The following ACP6 variants were observed in gnomAD, a reference collection of about 807,000 sequenced individuals.
ACP6 encodes acid phosphatase 6, lysophosphatidic.
A neutral mutation model predicts 48.1 loss-of-function variants in ACP6; 48 were observed. That is an observed-to-expected ratio of 1.00 (90% CI 0.79 to 1.27). The LOEUF (loss-of-function observed/expected upper bound fraction) is 1.27, where lower values mean the gene tolerates loss of function less well. Ranked by LOEUF, ACP6 falls within the 50% of genes most tolerant of loss-of-function variation. The pLI is 0.00. For missense variants in ACP6, 485 were observed against 529.1 expected (o/e 0.92, Z 0.82); for synonymous variants, 172 against 204.2 (o/e 0.84, Z 1.34).
At chr1:147,657,881 G>A (rs1440186489) in intron 4 of ACP6, among the ~76,000 whole-genome samples, 1 of 152,240 alleles carries the variant, frequency 6.6e-6, no homozygotes, top group Non-Finnish European at 1.5e-5. Flanking sequence ...ATGGAAACCT[G>A]GGATATTCCC....
intron 6 of ACP6, 147 bp from the exon 7 acceptor site, chr1:147,652,696 C>G (rs1553210802): frequency 6.5e-7 from 1 of 1,547,912 alleles, no homozygotes; most frequent in African/African-American, 1.4e-5. Context: ...GTTAACAGGT[C>G]AAGAAGCTAT....
intron 1 of ACP6, among the ~76,000 whole-genome samples, chr1:147,665,325 A>G (rs71620825): frequency 6.6e-6 from 1 of 152,244 alleles, no homozygotes; most frequent in South Asian, 2.1e-4. Flanking sequence ...AAGCCAGTTA[A>G]CAATAGAGGA....
downstream of ACP6, among the ~76,000 whole-genome samples, chr1:147,641,509 C>T (rs1325564746): frequency 2.0e-5 from 3 of 152,312 alleles, no homozygotes; most frequent in East Asian, 1.9e-4. Flanking sequence ...AGTCGGCCTT[C>T]CCTGGCAAGC....
chr1:147,659,051 G>T lies in ACP6; in HGVS notation c.480-12C>A. ...TAGTGGAACGAATACTGAAAAAAATGAGAAAATAGTGACACTCATAAAAGG... is the reference window on the plus strand; with the variant it reads ...TAGTGGAACGAATACTGAAAAAAATTAGAAAATAGTGACACTCATAAAAGG... On this transcript the variant is annotated splice_polypyrimidine_tract_variant and intron_variant, in intron 3 of 9. Transcript: ENST00000583509. 6.2e-7 allele frequency: 1 copy of T among 1,603,848 alleles called. No individual in the cohort carries two copies. The highest frequency in any genetic ancestry group is 8.5e-7 in the Non-Finnish European group (1 of 1,174,040).
intron 1 of ACP6, among the ~76,000 whole-genome samples, chr1:147,668,415 G>GATATATAT (rs79430492): frequency 1.4e-5 from 2 of 146,308 alleles, no homozygotes; most frequent in African/African-American, 2.5e-5. Flanking sequence ...GTGCCTTCAG[G>GATATATAT]ATATATATAT....
intron 1 of ACP6, among the ~76,000 whole-genome samples, chr1:147,660,787 G>A (rs782571033): frequency 1.3e-5 from 2 of 151,992 alleles, no homozygotes; most frequent in Admixed American, 6.6e-5. Context: ...ATTGTATATT[G>A]TATATATTTA....
At chr1:147,638,936 A>T (rs962810964), downstream of ACP6, among the ~76,000 whole-genome samples, 3 of 152,324 alleles carry the variant, frequency 2.0e-5, no homozygotes, top group Admixed American at 1.3e-4. Flanking sequence ...GGGCCACCAC[A>T]GCCTTGACTT....
chr1:147,643,943 G>A lies in ACP6; in HGVS notation c.*3480C>T, dbSNP rs1659534711. The stretch of plus-strand genomic sequence containing the variant: ...GCCTGTTGCTGCATCCTCCAGAGAG[G>A]AGGAACACTTTGTCATCATATGGCA... On this transcript the variant is annotated 3_prime_UTR_variant, in exon 10 of 10. Transcript: ENST00000583509. 6.6e-6 allele frequency: 1 copy of A among 152,202 alleles called. No individual in the cohort carries two copies. The highest frequency in any genetic ancestry group is 2.4e-5 in the African/African-American group (1 of 41,418). The allele number at this position is 152,202 out of a possible 1,614,324, so 9.4% of individuals were successfully genotyped here. A position where few individuals can be genotyped will look rare whatever the true frequency, so the allele number is the denominator to read the frequency against.
intron 1 of ACP6, among the ~76,000 whole-genome samples, chr1:147,664,614 G>A (rs1370779698): frequency 6.6e-6 from 1 of 152,140 alleles, no homozygotes; most frequent in Non-Finnish European, 1.5e-5. Flanking sequence ...ATTGACTTCT[G>A]TTTCCCAGCA....
In ACP6 at chr1:147,654,255, C is replaced by T; in HGVS notation, c.719G>A (p.Gly240Asp). The T allele has an allele frequency of 1.9e-6, 3 of 1,614,186 alleles. No homozygotes were observed. The highest frequency in any genetic ancestry group is 2.5e-6 in the Non-Finnish European group (3 of 1,180,030). The change falls in exon 6 of 10, where the codon GGC becomes GAC. Residue 240 changes from glycine (G) to aspartate (D), a missense_variant. Transcript: ENST00000583509. ...GTCCACTTTATCACTACTGTCAATG[C>T]CCATCCTGTCCTTCACCTTTTTCAA... is the stretch of plus-strand genomic sequence containing the variant. ...EDLKKVKDRM[G>D]IDSSDKVDFF...
At chr1:147,630,517 C>T (rs751407477) in exon 6 of ACP6, 1 of 152,188 alleles carries the variant, frequency 6.6e-6, no homozygotes, top group Non-Finnish European at 1.5e-5. Context: ...TTTCATTTTC[C>T]TCACTTCCCA....
At chr1:147,654,090 GC>G in intron 6 of ACP6, 103 bp downstream of exon 6, 1 of 1,526,330 alleles carries the variant, frequency 6.6e-7, no homozygotes, top group Non-Finnish European at 8.8e-7. Context: ...TATCACAGTT[GC>G]CTTCAAACCA....
At chr1:147,647,762 GTGT>G (rs1179713041) in intron 9 of ACP6, 196 bp from the exon 10 acceptor site, 2 of 713,380 alleles carry the variant, frequency 2.8e-6, no homozygotes, top group African/African-American at 3.6e-5. Flanking sequence ...CACTCAAAAA[GTGT>G]TGAATTGACT....
intron 5 of ACP6, among the ~76,000 whole-genome samples, chr1:147,634,953 A>T (rs587736518): frequency 1.3e-5 from 2 of 152,330 alleles, no homozygotes; most frequent in African/African-American, 4.8e-5. Context: ...CTGGTCTGTT[A>T]ACCCAAAGGA....
In ACP6 at chr1:147,643,180, A is replaced by G. The variant is rs928901106; in HGVS notation, c.*4243T>C. 2.0e-5 allele frequency: 3 copies of G among 152,226 alleles called. No individual in the cohort carries two copies. The South Asian group carries it at 6.2e-4, about 32-fold the overall frequency. The allele number at this position is 152,226 out of a possible 1,614,324, so 9.4% of individuals were successfully genotyped here. On this transcript the variant is annotated 3_prime_UTR_variant, in exon 10 of 10. Coordinates refer to ENST00000583509, the MANE Select transcript of ACP6 (RefSeq NM_016361.5). ...ACATTCAGTCCTCAACATCATTGAT[A>G]GGTTCTTGGAAACTGTAGCTTTAAG...
At chr1:147,634,303 T>C (rs1659244204) in intron 5 of ACP6, among the ~76,000 whole-genome samples, 1 of 152,138 alleles carries the variant, frequency 6.6e-6, no homozygotes, top group South Asian at 2.1e-4. Context: ...GGATTTTTGG[T>C]GGTGGTTGTG....
At position 147,647,336 on chromosome 1, in the gene ACP6, C is replaced by T; in HGVS notation, c.*87G>A. ...ATATTAAAGTACATTACCCCTTGCTCTCTCCTCTTCCCAAACACACAAAGC... is the reference window on the plus strand; with the variant it reads ...ATATTAAAGTACATTACCCCTTGCTTTCTCCTCTTCCCAAACACACAAAGC... On this transcript the variant is annotated 3_prime_UTR_variant, in exon 10 of 10. Coordinates refer to ENST00000583509, the MANE Select transcript of ACP6 (RefSeq NM_016361.5). 2.7e-6 allele frequency: 4 copies of T among 1,475,418 alleles called. No homozygotes were observed. The highest frequency in any genetic ancestry group is 1.9e-5 in the Admixed American group (1 of 53,508). 91.4% of individuals were successfully genotyped at this position (1,475,418 alleles called of 1,614,324 possible).
At position 147,654,245 on chromosome 1, in the gene ACP6, A is replaced by C. The variant is rs1660112232; in HGVS notation, c.729T>G (p.Ser243Arg). Residue 243 changes from serine to arginine, a missense_variant, in exon 6 of 10, where the codon AGT becomes AGG. Ser to Arg is a moderately radical substitution (Grantham distance 110). Coordinates refer to ENST00000583509, the MANE Select transcript of ACP6 (RefSeq NM_016361.5). ...GGATGAAGAAGTCCACTTTATCACTACTGTCAATGCCCATCCTGTCCTTCA... is the reference window on the plus strand; with the variant it reads ...GGATGAAGAAGTCCACTTTATCACTCCTGTCAATGCCCATCCTGTCCTTCA... ...KKVKDRMGID[S>R]SDKVDFFILL... 2 of 1,614,158 alleles carry C rather than the reference A, an allele frequency of 1.2e-6. No homozygotes were observed. The highest frequency in any genetic ancestry group is 8.5e-7 in the Non-Finnish European group (1 of 1,180,032).
At chr1:147,652,416 C>A in intron 7 of ACP6, 33 bp downstream of exon 7, 2 of 1,588,334 alleles carry the variant, frequency 1.3e-6, no homozygotes, top group East Asian at 4.5e-5. Flanking sequence ...TCTGACCAAG[C>A]GTGACTTCAT....
Sources: allele counts gnomAD v4.1 joint callset (sites outside exome capture counted in the v4.1 genomes callset), GRCh38; gene constraint gnomAD v4.1.1; transcripts MANE v1.5; gene names NCBI Gene and HGNC (gene_info 2026-07-23, HGNC 2026-07-21).